The following APP variants were observed in gnomAD, a reference collection of about 807,000 sequenced individuals.
APP encodes the protein amyloid beta precursor protein.
APP carries 31 observed loss-of-function variants against 101.4 expected under a neutral mutation model. The observed-to-expected ratio is 0.31, with a 90% CI of 0.23 to 0.41. The LOEUF is 0.41. APP is among the 10% of genes least tolerant of loss of function. The pLI, the probability that APP is intolerant of heterozygous loss-of-function variation, is 1.00. For missense variants in APP, 839 were observed against 1,003.7 expected, an observed-to-expected ratio of 0.84 and a Z score of 2.22; for synonymous variants, 366 against 364.4, an observed-to-expected ratio of 1.00 and a Z score of -0.05.
intron 5 of APP, among the ~76,000 whole-genome samples, chr21:26,037,541 C>T (rs2045173142): frequency 6.6e-6 from 1 of 152,112 alleles, no homozygotes; most frequent in African/African-American, 2.4e-5. Flanking sequence ...TAAAATGTTG[C>T]TAGGTGTGTT....
At chr21:26,114,133 C>T (rs2062385716) in intron 1 of APP, among the ~76,000 whole-genome samples, 1 of 152,186 alleles carries the variant, frequency 6.6e-6, no homozygotes, top group Admixed American at 6.5e-5. Context: ...TCTGTTGAAA[C>T]AGTCTCCTCC....
intron 5 of APP, among the ~76,000 whole-genome samples, chr21:26,031,200 T>C (rs980814504): frequency 1.1e-4 from 17 of 152,308 alleles, no homozygotes; most frequent in African/African-American, 3.1e-4. Context: ...ACTGTGTCCA[T>C]ACACATGAGA....
At chr21:25,986,436 T>G (rs2042639367) in intron 8 of APP, among the ~76,000 whole-genome samples, 2 of 152,006 alleles carry the variant, frequency 1.3e-5, no homozygotes. Flanking sequence ...CCGGATGGGG[T>G]GGCTCACACC....
chr21:26,036,246 T>C (rs1189463254), intron 5 of APP, among the ~76,000 whole-genome samples: 1 of 113,360 alleles, frequency 8.8e-6, no homozygotes, highest in Non-Finnish European at 1.7e-5. Context: ...CAAGACAGGA[T>C]AATTAAAACC....
chr21:26,092,509 G>A (rs935738382), intron 2 of APP, among the ~76,000 whole-genome samples: 2 of 152,204 alleles, frequency 1.3e-5, no homozygotes, highest in African/African-American at 4.8e-5. Flanking sequence ...GTTGCCACGG[G>A]TTTGGGTGGT....
chr21:26,117,335 A>G (rs1442807075), intron 1 of APP, among the ~76,000 whole-genome samples: 2 of 152,268 alleles, frequency 1.3e-5, no homozygotes, highest in Non-Finnish European at 2.9e-5. Context: ...GTAAAGAACT[A>G]TTTTCTAGAA....
intron 1 of APP, among the ~76,000 whole-genome samples, chr21:26,133,178 C>T (rs530537651): frequency 1.3e-5 from 2 of 152,192 alleles, no homozygotes; most frequent in Non-Finnish European, 2.9e-5. Context: ...GTCAAGGCTG[C>T]AGTCAGCCAA....
At chr21:25,911,706 C>T (rs760049469) in intron 14 of APP, 35 bp downstream of exon 14, 1 of 1,590,884 alleles carries the variant, frequency 6.3e-7, no homozygotes, top group South Asian at 1.1e-5. Flanking sequence ...ATATATACCT[C>T]CCAGAACGCC....
chr21:25,881,763 G>A lies in APP; in HGVS notation c.2220C>T (p.Ala740=), dbSNP rs201411134. The A allele has an allele frequency of 1.3e-5, 21 of 1,613,288 alleles. No homozygotes were observed. The highest frequency in any genetic ancestry group is 1.1e-4 in the African/African-American group (8 of 74,832). Residue 740 remains alanine (A), a synonymous_variant, in exon 18 of 18, where the codon GCC becomes GCT. Transcript: ENST00000346798. ...GGTGGCGCTCCTCTGGGGTGACAGCGGCGTCAACCTGAAAAACAAGAGGAG... is the reference window on the plus strand; with the variant it reads ...GGTGGCGCTCCTCTGGGGTGACAGCAGCGTCAACCTGAAAAACAAGAGGAG... ...SIHHGVVEVD[A]AVTPEERHLS... is the part of the protein sequence containing the mutation.
intron 11 of APP, among the ~76,000 whole-genome samples, chr21:25,968,457 A>G (rs1198619778): frequency 6.6e-6 from 1 of 150,512 alleles, no homozygotes; most frequent in East Asian, 2.0e-4. Context: ...CACCACATCT[A>G]GCCTAAAGTA....
At chr21:25,891,423 C>CT (rs909448994) in intron 17 of APP, among the ~76,000 whole-genome samples, 14 of 151,874 alleles carry the variant, frequency 9.2e-5, no homozygotes, top group Non-Finnish European at 1.8e-4. Context: ...AAAAAAAAGT[C>CT]TAAGAGTAAT....
chr21:25,883,124 C>A (rs371941225), intron 17 of APP, among the ~76,000 whole-genome samples: 2 of 152,148 alleles, frequency 1.3e-5, no homozygotes, highest in African/African-American at 4.8e-5. Context: ...TCAATATGGC[C>A]GGGTGCAGTG....
chr21:25,950,395 T>C (rs1338159960), intron 13 of APP, among the ~76,000 whole-genome samples: 1 of 149,708 alleles, frequency 6.7e-6, no homozygotes, highest in East Asian at 1.9e-4. Context: ...TTTTTTTTTT[T>C]TGGAGACGGA....
chr21:26,142,895 A>G (rs1314845621), intron 1 of APP, among the ~76,000 whole-genome samples: 1 of 152,246 alleles, frequency 6.6e-6, no homozygotes, highest in African/African-American at 2.4e-5. Flanking sequence ...GAAATGGTCA[A>G]TGCTAGATTT....
chr21:26,088,376 C>T (rs1299823569), intron 3 of APP, among the ~76,000 whole-genome samples: 1 of 152,186 alleles, frequency 6.6e-6, no homozygotes, highest in African/African-American at 2.4e-5. Context: ...TGAAACATGA[C>T]TGCAGTTTTG....
chr21:26,077,888 T>C (rs1303044723), intron 3 of APP, among the ~76,000 whole-genome samples: 1 of 152,022 alleles, frequency 6.6e-6, no homozygotes, highest in Admixed American at 6.6e-5. Context: ...GTGACTAATA[T>C]GATAAAAGAG....
At chr21:26,162,092 C>T (rs148441620) in intron 1 of APP, among the ~76,000 whole-genome samples, 1 of 152,278 alleles carries the variant, frequency 6.6e-6, no homozygotes, top group African/African-American at 2.4e-5. Flanking sequence ...TTTGGAAGGT[C>T]GAGGCAGGAG....
chr21:26,064,798 GCT>G (rs2046397446), intron 3 of APP, among the ~76,000 whole-genome samples: 4 of 152,294 alleles, frequency 2.6e-5, no homozygotes, highest in Admixed American at 2.6e-4. Flanking sequence ...ATAAGGAATG[GCT>G]CTCTGGGTTA....
chr21:26,058,658 G>A (rs2046137923), intron 3 of APP, among the ~76,000 whole-genome samples: 1 of 152,222 alleles, frequency 6.6e-6, no homozygotes, highest in African/African-American at 2.4e-5. Flanking sequence ...TCTGCTGCCA[G>A]GATGGCGGCA....
Sources: allele counts gnomAD v4.1 joint callset (sites outside exome capture counted in the v4.1 genomes callset), GRCh38; gene constraint gnomAD v4.1.1; transcripts MANE v1.5; gene names NCBI Gene and HGNC (gene_info 2026-07-23, HGNC 2026-07-21).